Variants in PPP1R37 observed in about 807,000 individuals in gnomAD.
PPP1R37 encodes the protein leucine rich repeat containing 68.
A neutral mutation model predicts 61.0 loss-of-function variants in PPP1R37; 21 were observed. The observed-to-expected ratio is 0.34, with a 90% CI of 0.24 to 0.50. The LOEUF (loss-of-function observed/expected upper bound fraction) is 0.50. Ranked by LOEUF, PPP1R37 falls within the 20% of genes least tolerant of loss-of-function variation. The pLI is 0.98. For missense variants in PPP1R37, 910 were observed against 952.7 expected (o/e 0.96, Z 0.59); for synonymous variants, 443 against 433.5 (o/e 1.02, Z -0.27).
intron 1 of PPP1R37, among the ~76,000 whole-genome samples, chr19:45,105,959 C>G (rs1968124701): frequency 6.6e-6 from 1 of 152,236 alleles, no homozygotes; most frequent in African/African-American, 2.4e-5. Flanking sequence ...CTTAGAGTGC[C>G]CAAGTCTGAC....
chr19:45,142,675 G>C, intron 7 of PPP1R37: 1 of 544,908 alleles, frequency 1.8e-6, no homozygotes. Flanking sequence ...CGATCAGTCT[G>C]GGGGCCAGGG....
chr19:45,093,313 G>A lies in PPP1R37; in HGVS notation c.-13G>A. The A allele has an allele frequency of 7.1e-7, 1 of 1,398,864 alleles. No individual in the cohort carries two copies. Among genetic ancestry groups the A allele is most frequent in the Non-Finnish European group, 9.2e-7 (1 of 1,081,456 alleles). 86.7% of individuals were successfully genotyped at this position (1,398,864 alleles called of 1,614,324 possible). ...CATGTCCCCGGGGCCCCCGTGAGGA[G>A]GCGGCGGCGGCTATGGAGATCGCGC... On this transcript the variant is annotated 5_prime_UTR_variant, in exon 1 of 13. Transcript: ENST00000221462.
chr19:45,105,597 G>A (rs1427825775), intron 1 of PPP1R37, among the ~76,000 whole-genome samples: 1 of 152,120 alleles, frequency 6.6e-6, no homozygotes, highest in African/African-American at 2.4e-5. Context: ...CAGGTGTCAG[G>A]GGCGACCGGC....
At chr19:45,124,076 C>A (rs1366229772) in intron 1 of PPP1R37, among the ~76,000 whole-genome samples, 5 of 152,280 alleles carry the variant, frequency 3.3e-5, no homozygotes, top group African/African-American at 9.6e-5. Context: ...CACAGACCAC[C>A]CCATGCTGTC....
intron 8 of PPP1R37, 52 bp from the exon 9 acceptor site, chr19:45,144,802 G>C: frequency 6.9e-7 from 1 of 1,445,626 alleles, no homozygotes; most frequent in Non-Finnish European, 9.2e-7. Flanking sequence ...GGCCTCCTGG[G>C]TCTCCTCCGC....
chr19:45,093,551 G>GGCGGGCTCGAGAGGGACCCGGGA, intron 1 of PPP1R37, 24 bp downstream of exon 1: 1 of 1,523,524 alleles, frequency 6.6e-7, no homozygotes, highest in Non-Finnish European at 8.8e-7. Flanking sequence ...GTGAAGCGGG[G>GGCGGGCTCGAGAGGGACCCGGGA]GCGGGCTCGA....
rs1489018229 is a variant in PPP1R37 at position 45,145,757 on chromosome 19, G to T, written c.1701G>T (p.Lys567Asn). 2 of 1,522,334 alleles carry T rather than the reference G, an allele frequency of 1.3e-6. No individual in the cohort carries two copies. The highest frequency in any genetic ancestry group is 4.0e-5 in the Admixed American group (2 of 49,898). The allele number at this position is 1,522,334 out of a possible 1,614,324, so 94.3% of individuals were successfully genotyped here. A position where few individuals can be genotyped will look rare whatever the true frequency, so the allele number is the denominator to read the frequency against. ...TGTCCAGCCCGGGCCGGGGCCACAA[G>T]GTGTTTGTGGTGACCCGGGTGGAGA... ...ISVSSPGRGHKVFVVTRVESP... is the reference protein window; with the variant it reads ...ISVSSPGRGHNVFVVTRVESP... Residue 567 changes from lysine (K) to asparagine (N), a missense_variant, in exon 11 of 13, where the codon AAG (lysine) becomes AAT (asparagine). Lys to Asn is a moderately conservative substitution (Grantham distance 94). This residue lies in a region of PPP1R37 where 549 missense variants were observed against 505.1 expected (regional missense o/e 1.09). Transcript: ENST00000221462.
chr19:45,124,107 G>T (rs1179827233), intron 1 of PPP1R37, among the ~76,000 whole-genome samples: 1 of 152,210 alleles, frequency 6.6e-6, no homozygotes, highest in Non-Finnish European at 1.5e-5. Flanking sequence ...TCATAGTCCA[G>T]TGGGGGAGAC....
At chr19:45,136,540 C>T (rs929017215) in intron 1 of PPP1R37, among the ~76,000 whole-genome samples, 2 of 152,122 alleles carry the variant, frequency 1.3e-5, no homozygotes, top group Non-Finnish European at 2.9e-5. Context: ...AAGCTCCGGT[C>T]CCCACTAGAG....
At position 45,143,542 on chromosome 19, in the gene PPP1R37, G is replaced by C. The variant is rs1253315600; in HGVS notation, c.896G>C (p.Gly299Ala). 2 of 1,535,060 alleles carry C rather than the reference G, an allele frequency of 1.3e-6. No homozygotes were observed. The highest frequency in any genetic ancestry group is 2.4e-5 in the South Asian group (2 of 84,026). ...CCAGGTCTGGCCTACATCTGCGAGG[G>C]CCTCAAGGAGCAGAGGAAGGGGCTG... ...LDSGLAYICE[G>A]LKEQRKGLVT... The change falls in exon 8 of 13, where the codon GGC becomes GCC. Residue 299 changes from glycine to alanine, a missense_variant. By Grantham distance (60) the Gly-to-Ala change is moderately conservative (BLOSUM62 0). This residue lies in a region of PPP1R37 where 280 missense variants were observed against 382.2 expected (regional missense o/e 0.73). Coordinates refer to ENST00000221462, the MANE Select transcript of PPP1R37 (RefSeq NM_019121.2).
At chr19:45,128,844 G>C (rs1968441524) in intron 1 of PPP1R37, 1 of 621,356 alleles carries the variant, frequency 1.6e-6, no homozygotes, top group African/African-American at 1.8e-5. Context: ...CCAGTTGATT[G>C]GCATCCAGGA....
intron 1 of PPP1R37, among the ~76,000 whole-genome samples, chr19:45,127,347 C>A (rs1968418207): frequency 8.6e-6 from 1 of 115,942 alleles, no homozygotes; most frequent in Admixed American, 8.8e-5. Context: ...AGTAAAACTC[C>A]ATCTCAAAAA....
At chr19:45,115,056 A>C (rs1402591518) in intron 1 of PPP1R37, among the ~76,000 whole-genome samples, 1 of 152,154 alleles carries the variant, frequency 6.6e-6, no homozygotes, top group Non-Finnish European at 1.5e-5. Context: ...GCATGCATTC[A>C]GCGAGTATTG....
Position 45,146,239 on chromosome 19 carries a change from G to A in PPP1R37, c.1994-151G>A, listed in dbSNP as rs1358400161. The A allele has an allele frequency of 1.3e-5, 11 of 845,442 alleles. No individual in the cohort carries two copies. In the African/African-American group the frequency reaches 1.3e-4, roughly 10 times the overall value. The allele number at this position is 845,442 out of a possible 1,614,324, so 52.4% of individuals were successfully genotyped here. ...TCCTGGGAGCTCTTCCTGGGGTGGG[G>A]GGGCATGTAAGGTGTGCTGCCTTGA... On this transcript the variant is annotated intron_variant, in intron 11 of 12. Coordinates refer to ENST00000221462, the MANE Select transcript of PPP1R37 (RefSeq NM_019121.2).
At chr19:45,099,790 AC>A (rs2122707220) in intron 1 of PPP1R37, among the ~76,000 whole-genome samples, 1 of 152,276 alleles carries the variant, frequency 6.6e-6, no homozygotes, top group South Asian at 2.1e-4. Context: ...GGGATCAAAC[AC>A]CCCATGGTGG....
At position 45,117,849 on chromosome 19, in the gene PPP1R37, C is replaced by G. The variant is rs911805736; in HGVS notation, c.203-20665C>G. 2.6e-5 allele frequency among the ~76,000 whole-genome samples: 4 copies of G among 152,220 alleles called. 1 individual carries two copies. In the South Asian group the frequency reaches 6.2e-4, roughly 24 times the overall value. ...GAGGCTGGCTCCGTAAGCCAGTGCT[C>G]GTCCTTGGCATTGTTGACTCAGTGG... On this transcript the variant is annotated intron_variant, in intron 1 of 12. Transcript: ENST00000221462.
At chr19:45,108,573 T>A (rs1179194040) in intron 1 of PPP1R37, 4 of 151,882 alleles carry the variant, frequency 2.6e-5, no homozygotes. Context: ...TAAGATGGTG[T>A]CTTGTTTTAG....
In PPP1R37 at chr19:45,121,119, G is replaced by A. The variant is rs945342222; in HGVS notation, c.203-17395G>A. ...GTGGGCGCAAAGTTACGGCTCCACC[G>A]GTAAAGCACAGTAGAAGGGCCCCAA... is the stretch of plus-strand genomic sequence containing the variant. On this transcript the variant is annotated intron_variant, in intron 1 of 12. Transcript: ENST00000221462. This position sits in a 1 kb window ranked among gnomAD's most constrained non-coding sequence, Gnocchi z 4.2. Among the ~76,000 whole-genome samples the A allele has an allele frequency of 3.3e-5, 5 of 152,194 alleles. No homozygotes were observed. The highest frequency in any genetic ancestry group is 9.7e-5 in the African/African-American group (4 of 41,440).
intron 1 of PPP1R37, chr19:45,128,875 G>C: frequency 1.5e-6 from 1 of 651,912 alleles, no homozygotes; most frequent in South Asian, 1.5e-5. Flanking sequence ...CACTGCTCCA[G>C]GACAGCAGGG....
Sources: allele counts gnomAD v4.1 joint callset (sites outside exome capture counted in the v4.1 genomes callset), GRCh38; gene constraint gnomAD v4.1.1; regional missense constraint gnomAD v4.1.1; non-coding constraint Gnocchi (gnomAD v3.1); transcripts MANE v1.5; gene names NCBI Gene and HGNC (gene_info 2026-07-23, HGNC 2026-07-21).